The following PDE11A variants were observed in gnomAD, a reference collection of about 807,000 sequenced individuals.
PDE11A encodes phosphodiesterase 11A.
Under a neutral mutation model 100.5 loss-of-function variants are expected in PDE11A, and 100 were observed. The observed-to-expected ratio is 1.00, with a 90% CI of 0.85 to 1.18. The LOEUF (loss-of-function observed/expected upper bound fraction) is 1.18. PDE11A is among the 50% of genes most tolerant of loss of function. The pLI is 0.00. For missense variants in PDE11A, 1,141 were observed against 1,152.6 expected (o/e 0.99, Z 0.15); for synonymous variants, 381 against 420.8 (o/e 0.91, Z 1.16).
intron 19 of PDE11A, among the ~76,000 whole-genome samples, chr2:177,631,539 A>ATATATATATATATATC (rs1559117334): frequency 9.5e-4 from 26 of 27,328 alleles, no homozygotes; most frequent in Middle Eastern, 0.031. Context: ...ATATATATAT[A>ATATATATATATATATC]TATATATACA....
At chr2:178,029,683 T>A (rs1433291105) in intron 1 of PDE11A, among the ~76,000 whole-genome samples, 2 of 152,150 alleles carry the variant, frequency 1.3e-5, no homozygotes, top group East Asian at 3.8e-4. Context: ...GCAGGAAATA[T>A]ATATTGAAGA....
intron 10 of PDE11A, among the ~76,000 whole-genome samples, chr2:177,749,162 T>C (rs760329468): frequency 6.6e-6 from 1 of 151,962 alleles, no homozygotes. Context: ...GTATCACCCA[T>C]CTACCATTAT....
In PDE11A at chr2:177,667,594, G is replaced by GA. The variant is rs201879736; in HGVS notation, c.2562+1898dup. ...TCACTTCTTAATCAATGCTTGATGA[G>GA]AAAAAAAATGAGTGTGAGGCCCCAC... On this transcript the variant is annotated intron_variant, in intron 18 of 19. Transcript: ENST00000286063. Among the ~76,000 whole-genome samples the GA allele has an allele frequency of 6.9e-3, 1,054 of 152,002 alleles. 8 individuals carry two copies. The highest frequency in any genetic ancestry group is 0.01 in the Middle Eastern group (3 of 294).
At chr2:177,746,362 C>T (rs1376041999) in intron 10 of PDE11A, among the ~76,000 whole-genome samples, 2 of 151,746 alleles carry the variant, frequency 1.3e-5, no homozygotes, top group Non-Finnish European at 1.5e-5. Context: ...TGGGAGGAAA[C>T]GGAACAAACA....
At chr2:177,691,168 A>G (rs190405258) in intron 15 of PDE11A, among the ~76,000 whole-genome samples, 1 of 152,198 alleles carries the variant, frequency 6.6e-6, no homozygotes. Context: ...ATATAGCGTT[A>G]TGTAATCACA....
chr2:177,775,938 G>T (rs922449877), intron 9 of PDE11A, among the ~76,000 whole-genome samples: 1 of 152,074 alleles, frequency 6.6e-6, no homozygotes, highest in African/African-American at 2.4e-5. Context: ...GTCTAGTTTT[G>T]GTCATGAAGG....
At position 177,944,811 on chromosome 2, in the gene PDE11A, T is replaced by TCTCCCG. The variant is rs1224472287; in HGVS notation, c.1072-39625_1072-39624insCGGGAG. 7.4e-4 allele frequency among the ~76,000 whole-genome samples: 90 copies of TCTCCCG among 121,572 alleles called. 1 individual carries two copies. The highest frequency in any genetic ancestry group is 2.6e-3 in the African/African-American group (88 of 33,792). The allele number at this position is 121,572 out of a possible 152,430, so 79.8% of individuals were successfully genotyped here. On this transcript the variant is annotated intron_variant, in intron 2 of 19. Transcript: ENST00000286063. ...AGATAGAAGATGCGAGCGCTCTCCC[T>TCTCCCG]CTCCCTCTCCCTCTCCCTCTCCCTC...
chr2:177,891,186 A>T (rs2084523220), intron 4 of PDE11A, among the ~76,000 whole-genome samples: 1 of 152,134 alleles, frequency 6.6e-6, no homozygotes, highest in East Asian at 1.9e-4. Context: ...GCTATTCGGG[A>T]GGCTGGGGCA....
intron 19 of PDE11A, among the ~76,000 whole-genome samples, chr2:177,637,048 A>G (rs2080049179): frequency 6.6e-6 from 1 of 152,222 alleles, no homozygotes; most frequent in Admixed American, 6.5e-5. Context: ...TTTTCTGAAG[A>G]CATTTAGGAA....
chr2:177,698,527 T>C (rs1316881565), intron 14 of PDE11A: 1 of 152,124 alleles, frequency 6.6e-6, no homozygotes, highest in African/African-American at 2.4e-5. Flanking sequence ...GGAGAAGGAA[T>C]GTGGTGGAAT....
chr2:178,033,485 C>T (rs201201861), intron 1 of PDE11A, among the ~76,000 whole-genome samples: 7 of 152,108 alleles, frequency 4.6e-5, no homozygotes, highest in Non-Finnish European at 1.5e-5. Context: ...TTCAGGATAT[C>T]ATCCAGGAGA....
At chr2:177,981,872 GA>G (rs1173892194) in intron 2 of PDE11A, among the ~76,000 whole-genome samples, 3 of 150,658 alleles carry the variant, frequency 2.0e-5, no homozygotes, top group Admixed American at 1.3e-4. Flanking sequence ...CTTTTCAATG[GA>G]ATGACATAGG....
chr2:177,966,357 C>G (rs541055792), intron 2 of PDE11A, among the ~76,000 whole-genome samples: 1 of 152,074 alleles, frequency 6.6e-6, no homozygotes, highest in African/African-American at 2.4e-5. Context: ...CTTGATTGCT[C>G]TGGCTGAGTC....
chr2:177,948,780 A>C (rs943692309), intron 2 of PDE11A, among the ~76,000 whole-genome samples: 1 of 152,110 alleles, frequency 6.6e-6, no homozygotes, highest in African/African-American at 2.4e-5. Flanking sequence ...GTGGTGGCAC[A>C]TGCCTGTAGT....
intron 2 of PDE11A, among the ~76,000 whole-genome samples, chr2:178,085,690 G>C (rs1293630792): frequency 6.6e-6 from 1 of 152,084 alleles, no homozygotes; most frequent in Non-Finnish European, 1.5e-5. Flanking sequence ...TTATAAGCAG[G>C]GATTCAAGGG....
intron 9 of PDE11A, among the ~76,000 whole-genome samples, chr2:177,811,641 A>G (rs2082950613): frequency 6.6e-6 from 1 of 151,920 alleles, no homozygotes; most frequent in African/African-American, 2.4e-5. Context: ...ACAACAGGGA[A>G]AGGACTGCCT....
At chr2:177,827,287 T>C (rs1256610924) in intron 6 of PDE11A, among the ~76,000 whole-genome samples, 1 of 152,242 alleles carries the variant, frequency 6.6e-6, no homozygotes, top group African/African-American at 2.4e-5. Flanking sequence ...ACCACCTTAG[T>C]GTTAATTGTG....
chr2:178,064,413 A>G (rs969036290), intron 1 of PDE11A, among the ~76,000 whole-genome samples: 1 of 152,182 alleles, frequency 6.6e-6, no homozygotes. Context: ...CTTGAAGAGA[A>G]TAAGGGAGTC....
intron 2 of PDE11A, among the ~76,000 whole-genome samples, chr2:177,941,611 G>A (rs2085346559): frequency 6.6e-6 from 1 of 152,140 alleles, no homozygotes; most frequent in South Asian, 2.1e-4. Context: ...CCAGGCAAAC[G>A]GGGTTCTGGA....
Sources: gnomAD v4.1 joint callset for allele counts (sites outside exome capture counted in the v4.1 genomes callset) on GRCh38, gnomAD v4.1.1 for gene constraint, MANE v1.5 for transcripts, NCBI Gene and HGNC (gene_info 2026-07-23, HGNC 2026-07-21) for gene names.